The following SPATA13 variants were observed in gnomAD, a reference collection of about 807,000 sequenced individuals.
The protein encoded by SPATA13 is spermatogenesis associated 13.
Under a neutral mutation model 104.0 loss-of-function variants are expected in SPATA13, and 50 were observed. The ratio of observed to expected loss-of-function variants is 0.48; its 90% CI spans 0.38 to 0.61. The LOEUF is 0.61. Ranked by LOEUF, SPATA13 falls within the 20% of genes least tolerant of loss-of-function variation. The pLI, the probability that SPATA13 is intolerant of heterozygous loss-of-function variation, is 0.00. For synonymous variants in SPATA13, 606 were observed against 667.5 expected, an observed-to-expected ratio of 0.91 and a Z score of 1.42; for missense variants, 1,524 against 1,690.6, an observed-to-expected ratio of 0.90 and a Z score of 1.73.
chr13:24,043,247 TGCAAGGGATTGC>T (rs1015163515), intron 3 of SPATA13, among the ~76,000 whole-genome samples: 4 of 152,200 alleles, frequency 2.6e-5, no homozygotes, highest in African/African-American at 9.7e-5. Flanking sequence ...ATGACAAACA[TGCAAGGGATTGC>T]GTGGCCAAGA....
At chr13:24,046,213 T>C (rs9580845) in intron 3 of SPATA13, among the ~76,000 whole-genome samples, 72,276 of 151,508 alleles carry the variant, frequency 0.48, 17,957 homozygotes, top group African/African-American at 0.61. Flanking sequence ...GCCTCAGAAA[T>C]CCTCCTCCTG....
intron 4 of SPATA13, chr13:24,252,724 C>A (rs935569000): frequency 6.6e-6 from 1 of 152,176 alleles, no homozygotes; most frequent in Non-Finnish European, 1.5e-5. Flanking sequence ...CGAAAAGCAA[C>A]AAAACCTAAC....
chr13:24,004,842 C>A (rs1179806692), intron 2 of SPATA13, among the ~76,000 whole-genome samples: 1 of 152,118 alleles, frequency 6.6e-6, no homozygotes, highest in African/African-American at 2.4e-5. Context: ...CCACCTGAGA[C>A]CCCCACATTA....
At chr13:24,210,280 C>T (rs563611482) in intron 1 of SPATA13, among the ~76,000 whole-genome samples, 2 of 152,252 alleles carry the variant, frequency 1.3e-5, no homozygotes, top group East Asian at 3.9e-4. Context: ...TAGCTTGATA[C>T]AGTCTCGTGT....
intron 3 of SPATA13, among the ~76,000 whole-genome samples, chr13:24,050,967 T>C (rs1465283646): frequency 6.6e-6 from 1 of 152,200 alleles, no homozygotes; most frequent in Non-Finnish European, 1.5e-5. Flanking sequence ...ATCTGAGTTG[T>C]GTTACCTGAG....
intron 1 of SPATA13, among the ~76,000 whole-genome samples, chr13:24,178,845 G>A (rs569527144): frequency 2.6e-4 from 40 of 152,118 alleles, no homozygotes; most frequent in African/African-American, 9.4e-4. Flanking sequence ...GTGTATCCAC[G>A]GAGTCATGCA....
At chr13:24,141,827 G>A (rs574136713) in intron 3 of SPATA13, among the ~76,000 whole-genome samples, 4 of 152,110 alleles carry the variant, frequency 2.6e-5, no homozygotes, top group Non-Finnish European at 5.9e-5. Context: ...ATCACTTCAA[G>A]GGTAATAATG....
intron 2 of SPATA13, among the ~76,000 whole-genome samples, chr13:24,017,343 C>G (rs910271069): frequency 5.9e-5 from 9 of 152,126 alleles, no homozygotes; most frequent in Admixed American, 6.5e-5. Flanking sequence ...CGTAAGCCCA[C>G]GTGCTTGACC....
At chr13:24,271,685 T>G (rs1874622175) in intron 4 of SPATA13, among the ~76,000 whole-genome samples, 1 of 152,180 alleles carries the variant, frequency 6.6e-6, no homozygotes, top group South Asian at 2.1e-4. Context: ...CTGCACTACA[T>G]GGATACAATA....
chr13:23,980,277 A>G (rs2137645043), intron 1 of SPATA13, among the ~76,000 whole-genome samples: 1 of 152,326 alleles, frequency 6.6e-6, no homozygotes, highest in Admixed American at 6.5e-5. Flanking sequence ...GCACAAAGCC[A>G]GCCTGGCGGT....
Position 24,076,386 on chromosome 13 carries a change from C to T in SPATA13, c.-112+58685C>T, listed in dbSNP as rs199814604. Among the ~76,000 whole-genome samples, 52 of 152,288 alleles carry T rather than the reference C, an allele frequency of 3.4e-4. No homozygotes were observed. The East Asian group carries it at 7.1e-3, about 21-fold the overall frequency. On this transcript the variant is annotated intron_variant, in intron 3 of 14. Transcript: ENST00000424834. ...GATGAAATAAATCAATGGGAAAGCACATCTGCAACTGGGCAAGGACGAGGG... is the reference window on the plus strand; with the variant it reads ...GATGAAATAAATCAATGGGAAAGCATATCTGCAACTGGGCAAGGACGAGGG...
chr13:24,204,668 C>G (rs1431430201), intron 1 of SPATA13, among the ~76,000 whole-genome samples: 1 of 152,164 alleles, frequency 6.6e-6, no homozygotes, highest in Non-Finnish European at 1.5e-5. Context: ...TTTGACTTCT[C>G]TAGGTACTTC....
chr13:24,124,443 A>C (rs1881143200), intron 3 of SPATA13, among the ~76,000 whole-genome samples: 1 of 152,194 alleles, frequency 6.6e-6, no homozygotes, highest in South Asian at 2.1e-4. Context: ...GACAAGGTGG[A>C]TAGAAGGGCA....
intron 3 of SPATA13, among the ~76,000 whole-genome samples, chr13:24,111,398 T>C (rs1426626349): frequency 6.6e-6 from 1 of 152,078 alleles, no homozygotes; most frequent in Non-Finnish European, 1.5e-5. Context: ...TTGCATCCTC[T>C]CTGTCCTGCC....
At chr13:24,197,835 A>G (rs1255803364) in intron 1 of SPATA13, among the ~76,000 whole-genome samples, 3 of 152,044 alleles carry the variant, frequency 2.0e-5, no homozygotes, top group Admixed American at 6.6e-5. Context: ...TTAGACTTCC[A>G]TTGTGTTCCC....
At chr13:24,177,145 C>G (rs1164595871) in intron 1 of SPATA13, among the ~76,000 whole-genome samples, 1 of 152,192 alleles carries the variant, frequency 6.6e-6, no homozygotes, top group Admixed American at 6.5e-5. Flanking sequence ...AATTCTGTTT[C>G]TTAATTATTC....
chr13:24,001,117 C>A (rs1875947368), intron 2 of SPATA13, among the ~76,000 whole-genome samples: 1 of 152,148 alleles, frequency 6.6e-6, no homozygotes, highest in African/African-American at 2.4e-5. Context: ...GGCCGAGTGG[C>A]CTCTTCTACT....
intron 2 of SPATA13, among the ~76,000 whole-genome samples, chr13:23,990,073 T>G (rs1875340757): frequency 6.6e-6 from 1 of 152,154 alleles, no homozygotes; most frequent in Non-Finnish European, 1.5e-5. Flanking sequence ...GCCAACCAGT[T>G]CCACCTAAAC....
chr13:24,052,849 G>GCC (rs1593300615), intron 3 of SPATA13, among the ~76,000 whole-genome samples: 1 of 42,998 alleles, frequency 2.3e-5, no homozygotes, highest in Non-Finnish European at 4.6e-5. Flanking sequence ...CCGCCACTGT[G>GCC]CCCTGCCCAC....
Sources: allele counts gnomAD v4.1 joint callset (sites outside exome capture counted in the v4.1 genomes callset), GRCh38; gene constraint gnomAD v4.1.1; transcripts MANE v1.5; gene names NCBI Gene and HGNC (gene_info 2026-07-23, HGNC 2026-07-21).